Variants in SLC36A1 observed in about 807,000 individuals in gnomAD.
SLC36A1 encodes the protein solute carrier family 36 member 1.
SLC36A1 carries 30 observed loss-of-function variants against 47.5 expected under a neutral mutation model. That is an observed-to-expected ratio of 0.63 (90% CI 0.47 to 0.86). SLC36A1 has a LOEUF of 0.86. SLC36A1 is among the 40% of genes least tolerant of loss of function. SLC36A1 has a pLI of 0.00. For missense variants in SLC36A1, 517 were observed against 606.0 expected, an observed-to-expected ratio of 0.85 and a Z score of 1.54; for synonymous variants, 255 against 249.7, an observed-to-expected ratio of 1.02 and a Z score of -0.20.
At chr5:151,544,846 G>A in the SLC36A1 span, 3 of 1,614,172 alleles carry the variant, frequency 1.9e-6, no homozygotes, top group Admixed American at 1.7e-5. Context: ...CTCATCAGTG[G>A]CAGATACCTG....
chr5:151,441,556 A>G (rs1752632888), intron 1 of SLC36A1, among the ~76,000 whole-genome samples: 3 of 152,234 alleles, frequency 2.0e-5, no homozygotes, highest in Admixed American at 6.5e-5. Flanking sequence ...TTTAAACACC[A>G]TAAACCTGTA....
At chr5:151,363,222 C>T in the SLC36A1 span, among the ~76,000 whole-genome samples, 2 of 152,288 alleles carry the variant, frequency 1.3e-5, no homozygotes, top group East Asian at 3.9e-4. Context: ...GATAGCCACG[C>T]AGTGTGGGAA....
chr5:151,545,314 T>C, the SLC36A1 span: 23 of 1,613,970 alleles, frequency 1.4e-5, no homozygotes, highest in Non-Finnish European at 1.8e-5. Context: ...GATGGTGAGC[T>C]TCCGAGAGAG....
At chr5:151,428,161 C>T in the SLC36A1 span, among the ~76,000 whole-genome samples, 1 of 152,152 alleles carries the variant, frequency 6.6e-6, no homozygotes, top group Non-Finnish European at 1.5e-5. Flanking sequence ...TTTCTAATGG[C>T]TATGTAAGCC....
the SLC36A1 span, among the ~76,000 whole-genome samples, chr5:151,413,759 C>A: frequency 6.6e-6 from 1 of 151,720 alleles, no homozygotes; most frequent in Non-Finnish European, 1.5e-5. Flanking sequence ...CAAGAGACAT[C>A]ATAAAAAATA....
At chr5:151,537,420 AAGGAAAGGAG>A in the SLC36A1 span, among the ~76,000 whole-genome samples, 41 of 121,268 alleles carry the variant, frequency 3.4e-4, no homozygotes, top group Non-Finnish European at 3.8e-4. Context: ...AAAAGGAAAA[AAGGAAAGGAG>A]AGGAAAGGAG....
the SLC36A1 span, among the ~76,000 whole-genome samples, chr5:151,421,006 G>C: frequency 2.6e-5 from 4 of 151,554 alleles, no homozygotes; most frequent in South Asian, 2.1e-4. Flanking sequence ...AAGTAGCTGG[G>C]ACTACAGGCG....
At chr5:151,400,305 A>G in the SLC36A1 span, among the ~76,000 whole-genome samples, 1 of 152,232 alleles carries the variant, frequency 6.6e-6, no homozygotes, top group Non-Finnish European at 1.5e-5. Context: ...AATAGCCTCC[A>G]GCTGCATCCA....
the SLC36A1 span, among the ~76,000 whole-genome samples, chr5:151,352,020 C>A: frequency 6.6e-6 from 1 of 152,200 alleles, no homozygotes; most frequent in Non-Finnish European, 1.5e-5. Context: ...ATGCTCCAGT[C>A]ACATGGACCT....
intron 10 of SLC36A1, chr5:151,479,936 T>G: frequency 5.2e-6 from 3 of 579,776 alleles, no homozygotes; most frequent in Non-Finnish European, 8.9e-6. Flanking sequence ...TTTATGATAG[T>G]ATTCTAGACA....
At chr5:151,407,216 G>A in the SLC36A1 span, among the ~76,000 whole-genome samples, 7 of 152,226 alleles carry the variant, frequency 4.6e-5, no homozygotes, top group Non-Finnish European at 4.4e-5. Context: ...GACCCGAATG[G>A]GTTGCTGCTG....
the SLC36A1 span, chr5:151,522,214 A>T: frequency 3.0e-6 from 2 of 668,466 alleles, no homozygotes; most frequent in Non-Finnish European, 4.9e-6. Context: ...GGCTCAGCGC[A>T]TTGTTGCATT....
chr5:151,422,587 G>A, the SLC36A1 span, among the ~76,000 whole-genome samples: 82 of 152,152 alleles, frequency 5.4e-4, no homozygotes, highest in African/African-American at 1.7e-3. Context: ...AATTAGCTGG[G>A]CATGGTGGTG....
intron 1 of SLC36A1, among the ~76,000 whole-genome samples, chr5:151,458,433 A>T (rs921511222): frequency 6.6e-6 from 1 of 151,820 alleles, no homozygotes; most frequent in African/African-American, 2.4e-5. Context: ...CCTAAGGAAT[A>T]GGGAATGCGG....
intron 2 of SLC36A1, among the ~76,000 whole-genome samples, chr5:151,460,432 G>A (rs1755344299): frequency 6.6e-6 from 1 of 152,136 alleles, no homozygotes; most frequent in South Asian, 2.1e-4. Flanking sequence ...TTGTTTCTTG[G>A]AAATCGAACA....
chr5:151,368,365 T>C, the SLC36A1 span, among the ~76,000 whole-genome samples: 1 of 152,280 alleles, frequency 6.6e-6, no homozygotes, highest in Non-Finnish European at 1.5e-5. Context: ...TCTGTGTCTC[T>C]TGAATTGCAA....
intron 1 of SLC36A1, among the ~76,000 whole-genome samples, chr5:151,441,838 A>G (rs926395555): frequency 6.6e-6 from 1 of 152,198 alleles, no homozygotes; most frequent in South Asian, 2.1e-4. Context: ...AAGTTTCAAC[A>G]TATATATTCA....
chr5:151,359,795 AGTTCATCCATGCTGTAGAATGTTTTGAG>A, the SLC36A1 span, among the ~76,000 whole-genome samples: 4 of 152,214 alleles, frequency 2.6e-5, no homozygotes, highest in African/African-American at 7.2e-5. Flanking sequence ...AACGTTTTTG[AGTTCATCCATGCTGTAGAATGTTTTGAG>A]GTTCATCCAT....
chr5:151,482,945 G>A (rs1181948443), intron 10 of SLC36A1, among the ~76,000 whole-genome samples: 1 of 152,136 alleles, frequency 6.6e-6, no homozygotes, highest in Non-Finnish European at 1.5e-5. Flanking sequence ...GCTGAGGCAG[G>A]AGAATGGCAT....
Sources: allele counts gnomAD v4.1 joint callset (sites outside exome capture counted in the v4.1 genomes callset), GRCh38; gene constraint gnomAD v4.1.1; transcripts MANE v1.5; gene names NCBI Gene and HGNC (gene_info 2026-07-23, HGNC 2026-07-21).